CCN6: variants seen among roughly 807,000 people sequenced by gnomAD.
The protein encoded by CCN6 is CCN family member 6.
A neutral mutation model predicts 37.4 loss-of-function variants in CCN6; 31 were observed. The observed-to-expected ratio is 0.83, with a 90% confidence interval of 0.62 to 1.12. The LOEUF (loss-of-function observed/expected upper bound fraction) is 1.12, where lower values mean the gene tolerates loss of function less well. CCN6 is among the 50% of genes most tolerant of loss of function. CCN6 has a pLI of 0.00. For missense variants in CCN6, 369 were observed against 413.8 expected (o/e 0.89, Z 0.94); for synonymous variants, 137 against 142.1 (o/e 0.96, Z 0.26).
chr6:112,059,382 T>A (rs1288159625), intron 1 of CCN6, among the ~76,000 whole-genome samples: 1 of 152,204 alleles, frequency 6.6e-6, no homozygotes, highest in Non-Finnish European at 1.5e-5. Flanking sequence ...CTGCCTCCCT[T>A]CTGGAGGTGG....
Position 112,057,491 on chromosome 6 carries a change from T to C in CCN6, c.48+3086T>C, listed in dbSNP as rs587653502. 2.0e-5 allele frequency among the ~76,000 whole-genome samples: 3 copies of C among 152,218 alleles called. No individual in the cohort carries two copies. In the South Asian group the frequency reaches 6.2e-4, roughly 32 times the overall value. ...GGGAAGACGAGGACAATACAATACATAGGAGAGGGTCACTGAATCGTCATA... is the reference window on the plus strand; with the variant it reads ...GGGAAGACGAGGACAATACAATACACAGGAGAGGGTCACTGAATCGTCATA... On this transcript the variant is annotated intron_variant, in intron 1 of 4. Transcript: ENST00000368666.
intron 1 of CCN6, chr6:112,054,675 T>C: frequency 4.5e-6 from 2 of 443,546 alleles, no homozygotes; most frequent in South Asian, 4.2e-5. Context: ...CACGCTTTCC[T>C]ATATATTTTT....
At position 112,061,372 on chromosome 6, in the gene CCN6, C is replaced by G. The variant is rs768048051; in HGVS notation, c.346+84C>G. On this transcript the variant is annotated intron_variant, in intron 2 of 4. Transcript: ENST00000368666. ...CCTGCAATTGTTAGCTTGGAGTGAT[C>G]AGCTTAGTTTGGCTAAATATGAGGT... 1,704 of 1,586,296 alleles carry G rather than the reference C, an allele frequency of 1.1e-3. 1 individual carries two copies. The highest frequency in any genetic ancestry group is 1.3e-3 in the Non-Finnish European group (1,513 of 1,157,256).
Position 112,060,998 on chromosome 6 carries a change from G to T in CCN6, c.56G>T (p.Cys19Phe), listed in dbSNP as rs782818977. The change falls in exon 2 of 5, where the codon TGC becomes TTC. Residue 19 changes from cysteine to phenylalanine, a missense_variant. By Grantham distance (205) the Cys-to-Phe change is radical. Coordinates refer to ENST00000368666, the MANE Select transcript of CCN6 (RefSeq NM_198239.2). The stretch of plus-strand genomic sequence containing the variant: ...CTTTATTATCAAATGAAGTTCTGCT[G>T]CAGGGTACAGGGCACTGGACCATTA... ...LLLAGLAQFC[C>F]RVQGTGPLDT... 6.2e-7 allele frequency: 1 copy of T among 1,614,066 alleles called. No homozygotes were observed. Among genetic ancestry groups the T allele is most frequent in the South Asian group, 1.1e-5 (1 of 91,078 alleles).
Position 112,068,314 on chromosome 6 carries a change from T to G in CCN6, c.699T>G (p.Asn233Lys). The G allele has an allele frequency of 6.2e-7, 1 of 1,613,460 alleles. No homozygotes were observed. Among genetic ancestry groups the G allele is most frequent in the East Asian group, 2.2e-5 (1 of 44,810 alleles). Residue 233 changes from asparagine to lysine, a missense_variant, in exon 4 of 5, where the codon AAT (asparagine) becomes AAG (lysine). Coordinates refer to ENST00000368666, the MANE Select transcript of CCN6 (RefSeq NM_198239.2). ...CGMGISNRVT[N>K]ENSNCEMRKE... is the part of the protein sequence containing the mutation. Reference sequence around the variant, plus strand: ...TGGGAATATCTAACAGGGTGACCAATGAAAACAGCAACTGTGAAATGAGAA... The same window carrying G: ...TGGGAATATCTAACAGGGTGACCAAGGAAAACAGCAACTGTGAAATGAGAA...
chr6:112,061,270 G>A lies in CCN6; in HGVS notation c.328G>A (p.Glu110Lys), dbSNP rs782804251. The A allele has an allele frequency of 1.9e-6, 3 of 1,614,084 alleles. No individual in the cohort carries two copies. Among genetic ancestry groups the A allele is most frequent in the Non-Finnish European group, 2.5e-6 (3 of 1,180,038 alleles). The change falls in exon 2 of 5, where the codon GAG becomes AAG. Residue 110 changes from glutamate (E) to lysine (K), a missense_variant. Coordinates refer to ENST00000368666, the MANE Select transcript of CCN6 (RefSeq NM_198239.2). Reference protein sequence around the residue: ...CDYSVDRPRYETGVCAYLVAV... With the variant: ...CDYSVDRPRYKTGVCAYLVAV... ...CTACTCAGTAGACAGGCCTAGGTAC[G>A]AGACTGGAGTGTGTGCATGTAAGTG...
At chr6:112,055,317 C>T (rs1310951603) in intron 1 of CCN6, among the ~76,000 whole-genome samples, 1 of 152,258 alleles carries the variant, frequency 6.6e-6, no homozygotes, top group East Asian at 1.9e-4. Flanking sequence ...TGTCTGTGTG[C>T]CTCCTATTCC....
upstream of CCN6, among the ~76,000 whole-genome samples, chr6:112,053,107 C>A (rs1279167467): frequency 6.6e-6 from 1 of 151,890 alleles, no homozygotes; most frequent in African/African-American, 2.4e-5. Flanking sequence ...AGGTGGGACG[C>A]CTCAGGGACC....
chr6:112,069,081 C>T (rs1776790940), intron 4 of CCN6, among the ~76,000 whole-genome samples: 1 of 151,986 alleles, frequency 6.6e-6, no homozygotes, highest in African/African-American at 2.4e-5. Flanking sequence ...ACAGAAATTT[C>T]TATTTATTGT....
chr6:112,062,496 G>T (rs1776557138), intron 2 of CCN6, among the ~76,000 whole-genome samples: 1 of 152,182 alleles, frequency 6.6e-6, no homozygotes, highest in Non-Finnish European at 1.5e-5. Flanking sequence ...TGGCCTCAGA[G>T]AATGAAATAT....
chr6:112,064,675 T>A, intron 2 of CCN6, 80 bp from the exon 3 acceptor site: 1 of 1,602,600 alleles, frequency 6.2e-7, no homozygotes. Flanking sequence ...ATGATCCGTT[T>A]CTTCTTAGGT....
intron 1 of CCN6, among the ~76,000 whole-genome samples, chr6:112,056,304 A>G (rs587754301): frequency 8.0e-4 from 121 of 152,102 alleles, no homozygotes; most frequent in African/African-American, 2.9e-3. Flanking sequence ...TTACCCAGAA[A>G]CGGTTTTTAT....
In CCN6 at chr6:112,069,476, T is replaced by C. The variant is rs369476308; in HGVS notation, c.921T>C (p.Pro307=). 1.5e-5 allele frequency: 25 copies of C among 1,613,788 alleles called. No individual in the cohort carries two copies. Among genetic ancestry groups the C allele is most frequent in the Admixed American group, 1.0e-4 (6 of 59,994 alleles). The change falls in exon 5 of 5, where the codon CCT becomes CCC. Residue 307 remains proline (P), a synonymous_variant. Transcript: ENST00000368666. ...GICLDKRCCI[P]NKSKMITIQF... is the part of the protein sequence containing the mutation. ...GCTTGGATAAGAGATGCTGTATCCC[T>C]AATAAGTCTAAAATGATTACTATTC...
intron 1 of CCN6, among the ~76,000 whole-genome samples, chr6:112,055,216 A>G (rs1210841180): frequency 6.6e-6 from 1 of 152,204 alleles, no homozygotes; most frequent in Non-Finnish European, 1.5e-5. Context: ...GTTATACCAT[A>G]TAGAGAGAGA....
At chr6:112,054,701 G>T in intron 1 of CCN6, 1 of 393,006 alleles carries the variant, frequency 2.5e-6, no homozygotes, top group Non-Finnish European at 4.8e-6. Context: ...AGAGCCTAAG[G>T]CACAGCCTGG....
upstream of CCN6, among the ~76,000 whole-genome samples, chr6:112,053,741 G>A (rs1022313): frequency 0.22 from 33,799 of 151,716 alleles, 3,986 homozygotes; most frequent in East Asian, 0.32. Context: ...TTGGGATAAA[G>A]GTGAGCCCAG....
At chr6:112,059,436 G>A (rs937179769) in intron 1 of CCN6, among the ~76,000 whole-genome samples, 3 of 152,144 alleles carry the variant, frequency 2.0e-5, no homozygotes, top group African/African-American at 4.8e-5. Flanking sequence ...TTTAAAGGCT[G>A]TCTGGCTTCC....
At chr6:112,055,381 TAGAC>T (rs1166959362) in intron 1 of CCN6, among the ~76,000 whole-genome samples, 3 of 152,150 alleles carry the variant, frequency 2.0e-5, no homozygotes, top group Admixed American at 1.3e-4. Flanking sequence ...TAGATGTTCT[TAGAC>T]AGCAGGTATT....
chr6:112,056,603 C>CCTT, intron 1 of CCN6, among the ~76,000 whole-genome samples: 1 of 152,256 alleles, frequency 6.6e-6, no homozygotes, highest in South Asian at 2.1e-4. Flanking sequence ...GCAACCTCTG[C>CCTT]CTTCTGGGTT....
Sources: allele counts gnomAD v4.1 joint callset (sites outside exome capture counted in the v4.1 genomes callset), GRCh38; gene constraint gnomAD v4.1.1; transcripts MANE v1.5; gene names NCBI Gene and HGNC (gene_info 2026-07-23, HGNC 2026-07-21).